The following OGDH variants were observed in gnomAD, a reference collection of about 807,000 sequenced individuals.
The protein encoded by OGDH is 2-oxoglutarate dehydrogenase complex component E1.
OGDH carries 38 observed loss-of-function variants against 116.6 expected under a neutral mutation model. The observed-to-expected ratio is 0.33, with a 90% CI of 0.25 to 0.43. The LOEUF (loss-of-function observed/expected upper bound fraction) is 0.43, where lower values mean the gene tolerates loss of function less well. Ranked by LOEUF, OGDH falls within the 20% of genes least tolerant of loss-of-function variation. OGDH has a pLI of 1.00. For synonymous variants in OGDH, 488 were observed against 533.3 expected (o/e 0.92, Z 1.17); for missense variants, 825 against 1,357.2 (o/e 0.61, Z 6.16).
At chr7:44,656,344 C>T (rs930266836) in intron 4 of OGDH, 1 of 1,535,922 alleles carries the variant, frequency 6.5e-7, no homozygotes, top group Non-Finnish European at 8.7e-7. Context: ...GGAACGACTT[C>T]GAATGCTAAC....
At chr7:44,692,370 A>G (rs1348544004) in intron 10 of OGDH, among the ~76,000 whole-genome samples, 1 of 152,218 alleles carries the variant, frequency 6.6e-6, no homozygotes, top group Non-Finnish European at 1.5e-5. Flanking sequence ...ACCTGGGTGT[A>G]TCATAAAAGC....
intron 20 of OGDH, among the ~76,000 whole-genome samples, chr7:44,702,071 CAA>C (rs79579664): frequency 2.6e-4 from 15 of 57,388 alleles, no homozygotes; most frequent in Non-Finnish European, 2.4e-4. Flanking sequence ...AACTCCGGCA[CAA>C]AAAAAAAAAA....
At chr7:44,612,163 C>G (rs1284022314) in intron 1 of OGDH, among the ~76,000 whole-genome samples, 2 of 152,042 alleles carry the variant, frequency 1.3e-5, no homozygotes, top group Non-Finnish European at 2.9e-5. Flanking sequence ...GACTGTTTTT[C>G]TTCCATTGAA....
intron 20 of OGDH, among the ~76,000 whole-genome samples, chr7:44,703,110 A>G (rs1788912404): frequency 6.6e-6 from 1 of 151,874 alleles, no homozygotes; most frequent in Non-Finnish European, 1.5e-5. Context: ...ATGTGTCAGA[A>G]TTTCTTTTTT....
intron 2 of OGDH, among the ~76,000 whole-genome samples, chr7:44,626,162 A>G (rs563921756): frequency 1.7e-4 from 26 of 152,282 alleles, no homozygotes; most frequent in Admixed American, 4.6e-4. Context: ...TCTGTAAGAA[A>G]TCTGTAGTTT....
chr7:44,676,231 A>G (rs1787687419), intron 9 of OGDH, 82 bp downstream of exon 9: 14 of 1,612,458 alleles, frequency 8.7e-6, no homozygotes, highest in Non-Finnish European at 1.2e-5. Context: ...AACATAACCC[A>G]GAGCCCTGGG....
intron 3 of OGDH, among the ~76,000 whole-genome samples, chr7:44,646,675 T>C (rs1786198787): frequency 6.6e-6 from 1 of 152,236 alleles, no homozygotes; most frequent in South Asian, 2.1e-4. Context: ...CAAGAAGTTG[T>C]GAAAGAATCT....
chr7:44,681,420 C>T (rs1275724700), intron 9 of OGDH, among the ~76,000 whole-genome samples: 1 of 152,200 alleles, frequency 6.6e-6, no homozygotes, highest in Non-Finnish European at 1.5e-5. Context: ...TAGTGCTGCC[C>T]TCCCGGAACA....
At chr7:44,685,119 A>G (rs1009079200) in intron 10 of OGDH, among the ~76,000 whole-genome samples, 2 of 152,128 alleles carry the variant, frequency 1.3e-5, no homozygotes, top group Non-Finnish European at 1.5e-5. Context: ...TAAAATATAC[A>G]TAAAATTTAC....
chr7:44,673,079 A>T (rs1370395431), intron 5 of OGDH, among the ~76,000 whole-genome samples: 3 of 152,110 alleles, frequency 2.0e-5, no homozygotes, highest in Admixed American at 6.5e-5. Flanking sequence ...GGTACAGGAC[A>T]TCTTGATCTG....
At chr7:44,701,162 A>G (rs1221464745) in intron 19 of OGDH, among the ~76,000 whole-genome samples, 3 of 152,210 alleles carry the variant, frequency 2.0e-5, no homozygotes, top group African/African-American at 7.2e-5. Context: ...ACAGGGCAGG[A>G]CAGCCCTGGT....
At chr7:44,656,459 C>G in intron 4 of OGDH, 1 of 1,083,274 alleles carries the variant, frequency 9.2e-7, no homozygotes, top group Non-Finnish European at 1.3e-6. Flanking sequence ...GGAAAGTTGA[C>G]GCAACTTCTG....
At chr7:44,705,924 T>A (rs1216675292) in intron 20 of OGDH, among the ~76,000 whole-genome samples, 1 of 152,214 alleles carries the variant, frequency 6.6e-6, no homozygotes, top group Non-Finnish European at 1.5e-5. Flanking sequence ...AACTGTATGT[T>A]TGTACCATTC....
At chr7:44,631,522 A>C (rs1335584073) in intron 2 of OGDH, among the ~76,000 whole-genome samples, 5 of 152,236 alleles carry the variant, frequency 3.3e-5, no homozygotes, top group Admixed American at 3.3e-4. Context: ...TTTTGTGTTA[A>C]ATCAGCTAAA....
At chr7:44,665,985 C>T (rs922007139) in intron 4 of OGDH, among the ~76,000 whole-genome samples, 36 of 152,136 alleles carry the variant, frequency 2.4e-4, no homozygotes, top group Non-Finnish European at 3.1e-4. Context: ...AGTGCTGCAG[C>T]GAATATTAGT....
chr7:44,643,318 T>G (rs1319087034), intron 2 of OGDH, among the ~76,000 whole-genome samples: 2 of 152,108 alleles, frequency 1.3e-5, no homozygotes, highest in Non-Finnish European at 2.9e-5. Context: ...CAGTCACATC[T>G]CTGGTGGTTG....
intron 1 of OGDH, among the ~76,000 whole-genome samples, chr7:44,616,793 A>ATG (rs1202000699): frequency 1.9e-5 from 2 of 105,922 alleles, no homozygotes; most frequent in Middle Eastern, 5.3e-3. Context: ...GCATATATAT[A>ATG]TGTGTATATA....
intron 2 of OGDH, among the ~76,000 whole-genome samples, chr7:44,634,930 G>C (rs1018740587): frequency 1.3e-5 from 2 of 152,164 alleles, no homozygotes; most frequent in African/African-American, 4.8e-5. Flanking sequence ...TCCCCAATAG[G>C]GAGTACCCTG....
intron 2 of OGDH, among the ~76,000 whole-genome samples, chr7:44,640,026 A>C (rs1785857481): frequency 6.6e-6 from 1 of 152,196 alleles, no homozygotes; most frequent in East Asian, 1.9e-4. Context: ...TGGAGGCCCG[A>C]TGATCATGAT....
Sources: gnomAD v4.1 joint callset for allele counts (sites outside exome capture counted in the v4.1 genomes callset) on GRCh38, gnomAD v4.1.1 for gene constraint, MANE v1.5 for transcripts, NCBI Gene and HGNC (gene_info 2026-07-23, HGNC 2026-07-21) for gene names.